Variants in DYRK1A observed in about 807,000 individuals in gnomAD.
DYRK1A encodes dual specificity tyrosine phosphorylation regulated kinase 1A.
DYRK1A carries 9 observed loss-of-function variants against 79.7 expected under a neutral mutation model. That is an observed-to-expected ratio of 0.11 (90% CI 0.07 to 0.20). DYRK1A has a LOEUF of 0.20. Among genes scored for constraint, DYRK1A ranks in the 10% least tolerant of loss-of-function variants. The probability of loss-of-function intolerance (pLI) is 1.00; values close to 1 mark genes in which losing one functional copy is unlikely to be tolerated. For missense variants in DYRK1A, 622 were observed against 956.0 expected (o/e 0.65, Z 4.61); for synonymous variants, 349 against 329.7 (o/e 1.06, Z -0.63).
At chr21:37,499,976 A>G (rs1281875898) in intron 9 of DYRK1A, among the ~76,000 whole-genome samples, 1 of 152,146 alleles carries the variant, frequency 6.6e-6, no homozygotes, top group African/African-American at 2.4e-5. Context: ...AACTTTTCAC[A>G]TATGTGGGTT....
chr21:37,415,169 G>A (rs932996950), intron 1 of DYRK1A, among the ~76,000 whole-genome samples: 1 of 152,170 alleles, frequency 6.6e-6, no homozygotes, highest in Non-Finnish European at 1.5e-5. Flanking sequence ...GAGATACTGA[G>A]TTGATGGTTG....
rs186003585 is a variant in DYRK1A, at chr21:37,477,959, G to A, written c.208-249G>A. On this transcript the variant is annotated intron_variant, in intron 3 of 11. Coordinates refer to ENST00000647188, the MANE Select transcript of DYRK1A (RefSeq NM_001347721.2). The stretch of plus-strand genomic sequence containing the variant: ...GCATTTCTACCACTTTAAATTTGGC[G>A]GAATAGGATCAAAGCCTCAGGCAGC... Among the ~76,000 whole-genome samples the A allele has an allele frequency of 2.6e-4, 40 of 152,250 alleles. No homozygotes were observed. In the East Asian group the frequency reaches 6.6e-3, roughly 25 times the overall value.
intron 2 of DYRK1A, among the ~76,000 whole-genome samples, chr21:37,442,513 T>G (rs1241650540): frequency 6.6e-6 from 1 of 152,206 alleles, no homozygotes; most frequent in Non-Finnish European, 1.5e-5. Context: ...ATCTAACCTT[T>G]TATTAGTTTT....
chr21:37,484,499 T>A (rs113886998), intron 5 of DYRK1A, among the ~76,000 whole-genome samples: 2,840 of 152,068 alleles, frequency 0.019, 72 homozygotes, highest in African/African-American at 0.064. Context: ...TGGCTAATTT[T>A]TATATTTTTA....
At chr21:37,477,115 A>AG (rs1236304503) in intron 3 of DYRK1A, among the ~76,000 whole-genome samples, 1 of 152,106 alleles carries the variant, frequency 6.6e-6, no homozygotes, top group Admixed American at 6.5e-5. Flanking sequence ...GGTGTGGGTT[A>AG]GGTTAACAAT....
chr21:37,438,807 C>T (rs974149648), intron 2 of DYRK1A, among the ~76,000 whole-genome samples: 15 of 152,226 alleles, frequency 9.9e-5, no homozygotes, highest in African/African-American at 3.6e-4. Flanking sequence ...TACTCTAGGT[C>T]TTTTGCATTT....
chr21:37,428,149 CCCT>C (rs1435054983), intron 2 of DYRK1A, among the ~76,000 whole-genome samples: 2 of 152,138 alleles, frequency 1.3e-5, no homozygotes, highest in Non-Finnish European at 2.9e-5. Flanking sequence ...GCCTGTGAGT[CCCT>C]CCTCTTAATG....
chr21:37,438,092 A>G (rs1288959030), intron 2 of DYRK1A, among the ~76,000 whole-genome samples: 1 of 151,930 alleles, frequency 6.6e-6, no homozygotes, highest in Non-Finnish European at 1.5e-5. Flanking sequence ...AATGTTGTTG[A>G]GCATCTTTGT....
intron 2 of DYRK1A, among the ~76,000 whole-genome samples, chr21:37,425,444 G>T (rs780805284): frequency 3.3e-5 from 5 of 152,018 alleles, no homozygotes; most frequent in Non-Finnish European, 7.4e-5. Flanking sequence ...ATTACATTAT[G>T]TATGTGTCAT....
chr21:37,482,171 C>T (rs1030869455), intron 5 of DYRK1A, among the ~76,000 whole-genome samples: 1 of 152,110 alleles, frequency 6.6e-6, no homozygotes, highest in Non-Finnish European at 1.5e-5. Context: ...AATACATGCT[C>T]CTTTTTAACC....
intron 9 of DYRK1A, chr21:37,504,039 C>T (rs541911927): frequency 1.4e-4 from 22 of 152,306 alleles, no homozygotes; most frequent in African/African-American, 5.1e-4. Context: ...AAAGAGGCCT[C>T]TCAACTCTGT....
chr21:37,392,473 T>G (rs1027486832), intron 1 of DYRK1A, among the ~76,000 whole-genome samples: 1 of 152,254 alleles, frequency 6.6e-6, no homozygotes, highest in Admixed American at 6.5e-5. Flanking sequence ...TTATAAAAAA[T>G]AGAATTTATT....
chr21:37,403,135 C>A (rs1403871740), intron 1 of DYRK1A, among the ~76,000 whole-genome samples: 1 of 152,032 alleles, frequency 6.6e-6, no homozygotes, highest in Non-Finnish European at 1.5e-5. Context: ...CTTCAATATG[C>A]TGTTTAATTT....
At chr21:37,388,314 G>T (rs894433856) in intron 1 of DYRK1A, among the ~76,000 whole-genome samples, 1 of 151,652 alleles carries the variant, frequency 6.6e-6, no homozygotes, top group Admixed American at 6.6e-5. Context: ...AAAACTCTGG[G>T]CTCAAGCAGT....
chr21:37,449,618 T>C (rs1299035600), intron 2 of DYRK1A, among the ~76,000 whole-genome samples: 1 of 152,160 alleles, frequency 6.6e-6, no homozygotes, highest in Non-Finnish European at 1.5e-5. Flanking sequence ...GGGAAAAAAA[T>C]GCCTTTGGTT....
chr21:37,401,131 G>A (rs964510777), intron 1 of DYRK1A, among the ~76,000 whole-genome samples: 4 of 151,912 alleles, frequency 2.6e-5, no homozygotes, highest in Non-Finnish European at 5.9e-5. Context: ...GCGACAGAAC[G>A]AGATTCTGTC....
chr21:37,413,999 G>A (rs906832860), intron 1 of DYRK1A, among the ~76,000 whole-genome samples: 5 of 152,048 alleles, frequency 3.3e-5, no homozygotes, highest in African/African-American at 4.8e-5. Context: ...ATGCATTTAC[G>A]TCTTTGCAGT....
At chr21:37,442,842 T>G (rs2051149465) in intron 2 of DYRK1A, among the ~76,000 whole-genome samples, 1 of 152,100 alleles carries the variant, frequency 6.6e-6, no homozygotes, top group South Asian at 2.1e-4. Flanking sequence ...CCTGTTTCTG[T>G]TTTTTGTTTT....
intron 1 of DYRK1A, among the ~76,000 whole-genome samples, chr21:37,382,697 C>G (rs2049681635): frequency 6.6e-6 from 1 of 152,140 alleles, no homozygotes; most frequent in Non-Finnish European, 1.5e-5. Flanking sequence ...TACTATTAAT[C>G]AGTTACCTGC....
Sources: allele counts gnomAD v4.1 joint callset (sites outside exome capture counted in the v4.1 genomes callset), GRCh38; gene constraint gnomAD v4.1.1; transcripts MANE v1.5; gene names NCBI Gene and HGNC (gene_info 2026-07-23, HGNC 2026-07-21).